The following ERVW-1 variants were observed in gnomAD, a reference collection of about 807,000 sequenced individuals.
ERVW-1 encodes the protein endogenous retrovirus group W member 1, envelope.
In ERVW-1, 21 loss-of-function variants were observed where a neutral mutation model predicts 16.6. That is an observed-to-expected ratio of 1.26 (90% CI 0.90 to 1.82). The LOEUF (loss-of-function observed/expected upper bound fraction) is 1.82. Among genes scored for constraint, ERVW-1 ranks in the 40% most tolerant of loss-of-function variants. ERVW-1 has a pLI of 0.00. For synonymous variants in ERVW-1, 161 were observed against 109.8 expected, an observed-to-expected ratio of 1.47 and a Z score of -2.92; for missense variants, 412 against 300.2, an observed-to-expected ratio of 1.37 and a Z score of -2.75.
Position 92,468,755 on chromosome 7 carries a change from G to C in ERVW-1, c.*10C>G, listed in dbSNP as rs561001592. 2.3e-5 allele frequency: 16 copies of C among 707,390 alleles called. No homozygotes were observed. Among genetic ancestry groups the C allele is most frequent in the Non-Finnish European group, 3.3e-5 (13 of 390,592 alleles). The allele number at this position is 707,390 out of a possible 1,614,324, so 43.8% of individuals were successfully genotyped here. On this transcript the variant is annotated 3_prime_UTR_variant, in exon 2 of 2. Coordinates refer to ENST00000603053, the MANE Select transcript of ERVW-1 (RefSeq NM_001130925.2). ...CTAAGTGCTGTTGGGGAGGTTGGCC[G>C]ACGACCGCTCTAACTGCTTCCTGCT...
chr7:92,468,788 G>GC lies in ERVW-1; in HGVS notation c.1593_1594insG (p.Pro532AlafsTer20). On this transcript the variant is annotated frameshift_variant, in exon 2 of 2. Transcript: ENST00000603053. LOFTEE classifies it high-confidence loss of function. Reference sequence around the variant, plus strand: ...CTCTAACTGCTTCCTGCTGAATTGGGGCGTAGTAGAGGTTGTGCAGCTGAG... The same window carrying GC: ...CTCTAACTGCTTCCTGCTGAATTGGGCGCGTAGTAGAGGTTGTGCAGCTGAG... 1 of 752,734 alleles carries GC rather than the reference G, an allele frequency of 1.3e-6. No homozygotes were observed. The highest frequency in any genetic ancestry group is 2.4e-6 in the Non-Finnish European group (1 of 411,968). The allele number at this position is 752,734 out of a possible 1,614,324, so 46.6% of individuals were successfully genotyped here.
rs778645210 is a variant in ERVW-1, at chr7:92,469,143, G to A, written c.1239C>T (p.Ile413=). 3 of 703,926 alleles carry A rather than the reference G, an allele frequency of 4.3e-6. No homozygotes were observed. The highest frequency in any genetic ancestry group is 2.9e-5 in the South Asian group (2 of 68,512). The allele number at this position is 703,926 out of a possible 1,614,324, so 43.6% of individuals were successfully genotyped here. ...GAATTTCTTTAACTTTCTCAGTGAC[G>A]ATTCCGGATTGATTAACATAATAAC... ...ECCYYVNQSG[I]VTEKVKEIRD... Residue 413 remains isoleucine, a synonymous_variant, in exon 2 of 2, where the codon ATC becomes ATT. Coordinates refer to ENST00000603053, the MANE Select transcript of ERVW-1 (RefSeq NM_001130925.2).
At chr7:92,472,307 A>G (rs950560109) in intron 1 of ERVW-1, 1 of 152,202 alleles carries the variant, frequency 6.6e-6, no homozygotes, top group African/African-American at 2.4e-5. Flanking sequence ...TCACATCATG[A>G]GATGTCCACA....
intron 1 of ERVW-1, among the ~76,000 whole-genome samples, chr7:92,475,466 C>G (rs892051320): frequency 4.6e-5 from 7 of 152,180 alleles, no homozygotes; most frequent in African/African-American, 7.2e-5. Context: ...ATGTTGCAGT[C>G]CTGCACCTGT....
intron 1 of ERVW-1, chr7:92,470,853 C>G (rs1281133357): frequency 6.0e-6 from 1 of 167,926 alleles, no homozygotes; most frequent in African/African-American, 2.4e-5. Context: ...GGGAAAGTTG[C>G]AGATTCTTTT....
Position 92,477,763 on chromosome 7 carries a change from C to A in ERVW-1, c.-609G>T. ...AGCACAGCGGACACCCTGCAGGATC[C>A]AGAGGGATGGGAGTCAGCGGCAGGT... On this transcript the variant is annotated 5_prime_UTR_variant, in exon 1 of 2. Transcript: ENST00000603053. 5.5e-6 allele frequency: 1 copy of A among 180,518 alleles called. No homozygotes were observed. Among genetic ancestry groups the A allele is most frequent in the Non-Finnish European group, 1.1e-5 (1 of 90,164 alleles). The allele number at this position is 180,518 out of a possible 1,614,324, so 11.2% of individuals were successfully genotyped here.
rs774664988 is a variant in ERVW-1 at position 92,469,225 on chromosome 7, A to G, written c.1157T>C (p.Leu386Ser). ...AAVVLQNRRA[L>S]DLLTAERGGT... ...CCCTCTTTCAGCGGTTAGCAAGTCT[A>G]AAGCTCTTCGATTTTGAAGGACTAC... Residue 386 changes from leucine to serine, a missense_variant, in exon 2 of 2, where the codon TTA becomes TCA. Physicochemically the swap from Leu to Ser is moderately radical, Grantham distance 145. Transcript: ENST00000603053. 1.3e-6 allele frequency: 1 copy of G among 761,982 alleles called. No homozygotes were observed. Among genetic ancestry groups the G allele is most frequent in the Non-Finnish European group, 2.4e-6 (1 of 416,512 alleles). 47.2% of individuals were successfully genotyped at this position (761,982 alleles called of 1,614,324 possible).
Position 92,477,825 on chromosome 7 carries a change from CA to C in ERVW-1, c.-672del. 5.8e-6 allele frequency: 1 copy of C among 173,020 alleles called. No homozygotes were observed. The highest frequency in any genetic ancestry group is 1.2e-5 in the Non-Finnish European group (1 of 84,512). The allele number at this position is 173,020 out of a possible 1,614,324, so 10.7% of individuals were successfully genotyped here. On this transcript the variant is annotated 5_prime_UTR_variant, in exon 1 of 2. The change abolishes the stop of an existing upstream ORF in the 5' untranslated region. Transcript: ENST00000603053. ...GCAAACAGCAGTGGTGGACGGTGAGCAAAAGCTCAGCTCGAGCCGTAAGAAA... is the reference window on the plus strand; with the variant it reads ...GCAAACAGCAGTGGTGGACGGTGAGCAAAGCTCAGCTCGAGCCGTAAGAAA...
At chr7:92,472,980 T>C (rs1790405822) in intron 1 of ERVW-1, 1 of 152,220 alleles carries the variant, frequency 6.6e-6, no homozygotes, top group Non-Finnish European at 1.5e-5. Flanking sequence ...GTATGAGGAT[T>C]GGCTCAAGTC....
Position 92,470,403 on chromosome 7 carries a change from C to T in ERVW-1, c.-22G>A, listed in dbSNP as rs1790299277. The T allele has an allele frequency of 3.0e-6, 2 of 675,390 alleles. No individual in the cohort carries two copies. Among genetic ancestry groups the T allele is most frequent in the Non-Finnish European group, 2.7e-6 (1 of 369,072 alleles). 41.8% of individuals were successfully genotyped at this position (675,390 alleles called of 1,614,324 possible). A position where few individuals can be genotyped will look rare whatever the true frequency, so the allele number is the denominator to read the frequency against. On this transcript the variant is annotated 5_prime_UTR_variant, in exon 2 of 2. Transcript: ENST00000603053. ...CCATGGGGATTTATGATTTTAGTTA[C>T]TTTCCTCCTGGTTGTTGTTTGAAGA...
chr7:92,474,919 T>C (rs1485617266), intron 1 of ERVW-1: 1 of 152,160 alleles, frequency 6.6e-6, no homozygotes, highest in Non-Finnish European at 1.5e-5. Context: ...ACTCTTTGGT[T>C]CACTGTTTAC....
At chr7:92,476,267 C>T (rs1790539709) in intron 1 of ERVW-1, among the ~76,000 whole-genome samples, 1 of 152,112 alleles carries the variant, frequency 6.6e-6, no homozygotes, top group African/African-American at 2.4e-5. Context: ...TAGAATAATT[C>T]TGAACAGGTG....
chr7:92,477,070 A>G (rs1413195270), intron 1 of ERVW-1, among the ~76,000 whole-genome samples: 1 of 152,172 alleles, frequency 6.6e-6, no homozygotes, highest in Non-Finnish European at 1.5e-5. Flanking sequence ...GCGACTGTTG[A>G]GACTTCTGGC....
chr7:92,468,964 A>G lies in ERVW-1; in HGVS notation c.1418T>C (p.Val473Ala). The change falls in exon 2 of 2, where the codon GTT (valine) becomes GCT (alanine). Residue 473 changes from valine (V) to alanine (A), a missense_variant. Coordinates refer to ENST00000603053, the MANE Select transcript of ERVW-1 (RefSeq NM_001130925.2). ...TTCGATTCTGGAAGAGACAAAGTTA[A>G]CAAGGAGGTTAAAGATACAGGGTCC... ...LFGPCIFNLL[V>A]NFVSSRIEAV... The G allele has an allele frequency of 1.3e-6, 1 of 763,656 alleles. No homozygotes were observed. The allele number at this position is 763,656 out of a possible 1,614,324, so 47.3% of individuals were successfully genotyped here. A position where few individuals can be genotyped will look rare whatever the true frequency, so the allele number is the denominator to read the frequency against.
intron 1 of ERVW-1, among the ~76,000 whole-genome samples, chr7:92,477,099 G>A (rs1187769027): frequency 2.0e-5 from 3 of 152,162 alleles, no homozygotes; most frequent in Non-Finnish European, 4.4e-5. Context: ...GATCTCAACC[G>A]GCTACTGCCG....
intron 1 of ERVW-1, chr7:92,471,608 T>C (rs555807644): frequency 2.1e-4 from 32 of 152,332 alleles, no homozygotes; most frequent in African/African-American, 7.2e-4. Flanking sequence ...GGGGTTGTTT[T>C]ATAAGCATTT....
chr7:92,474,727 A>C (rs2115966380), intron 1 of ERVW-1: 1 of 152,360 alleles, frequency 6.6e-6, no homozygotes, highest in South Asian at 2.1e-4. Context: ...TCTCCATGTC[A>C]GATCAAAGAA....
chr7:92,471,119 T>G (rs370193847), intron 1 of ERVW-1: 3 of 166,646 alleles, frequency 1.8e-5, no homozygotes, highest in African/African-American at 7.2e-5. Context: ...CTAGTGCCTT[T>G]ATTACCTCTT....
In ERVW-1 at chr7:92,469,540, T is replaced by C. The variant is rs1195052705; in HGVS notation, c.842A>G (p.Asn281Ser). The C allele has an allele frequency of 1.3e-6, 1 of 766,678 alleles. No homozygotes were observed. The highest frequency in any genetic ancestry group is 1.3e-5 in the South Asian group (1 of 74,406). 47.5% of individuals were successfully genotyped at this position (766,678 alleles called of 1,614,324 possible). ...VCGTSAYRCLNGSSESMCFLS... is the reference protein window; with the variant it reads ...VCGTSAYRCLSGSSESMCFLS... ...GAAGCACATAGATTCTGAAGAGCCA[T>C]TCAAACAACGATAGGCTGAGGTACC... Residue 281 changes from asparagine to serine, a missense_variant, in exon 2 of 2, where the codon AAT (asparagine) becomes AGT (serine). By Grantham distance (46) the Asn-to-Ser change is conservative. Transcript: ENST00000603053.
Sources: allele counts gnomAD v4.1 joint callset (sites outside exome capture counted in the v4.1 genomes callset), GRCh38; gene constraint gnomAD v4.1.1; transcripts MANE v1.5; gene names NCBI Gene and HGNC (gene_info 2026-07-23, HGNC 2026-07-21).